Variants in TTN observed in about 807,000 individuals in gnomAD.
TTN encodes titin.
A neutral mutation model predicts 3,223.0 loss-of-function variants in TTN; 1,525 were observed. That is an observed-to-expected ratio of 0.47 (90% confidence interval 0.45 to 0.49). TTN has a LOEUF of 0.49. Ranked by LOEUF, TTN falls within the 20% of genes least tolerant of loss-of-function variation. The pLI is 0.00. For missense variants in TTN, 40,786 were observed against 43,424.0 expected (o/e 0.94, Z 5.40); for synonymous variants, 14,094 against 15,161.0 (o/e 0.93, Z 5.17).
In TTN at chr2:178,540,241, A is replaced by G. The variant is rs1575367028; in HGVS notation, c.97925T>C (p.Val32642Ala). 6.2e-7 allele frequency: 1 copy of G among 1,613,768 alleles called. No individual in the cohort carries two copies. Among genetic ancestry groups the G allele is most frequent in the East Asian group, 2.2e-5 (1 of 44,858 alleles). Residue 32642 changes from valine (V) to alanine (A), a missense_variant, in exon 351 of 363, where the codon GTA becomes GCA. By Grantham distance (64) the Val-to-Ala change is moderately conservative. Transcript: ENST00000589042. ...VTGYLIEMQK[V>A]DQHEWTKCNT... Reference sequence around the variant, plus strand: ...ACACTTGGTCCATTCATGTTGATCTACTTTTTGCATTTCAATCAAGTAGCC... The same window carrying G: ...ACACTTGGTCCATTCATGTTGATCTGCTTTTTGCATTTCAATCAAGTAGCC...
At position 178,697,082 on chromosome 2, in the gene TTN, C is replaced by T. The variant is rs768798322; in HGVS notation, c.30802+39G>A. The T allele has an allele frequency of 1.1e-4, 168 of 1,488,564 alleles. 1 individual carries two copies. The highest frequency in any genetic ancestry group is 1.4e-4 in the Non-Finnish European group (157 of 1,093,138). 92.2% of individuals were successfully genotyped at this position (1,488,564 alleles called of 1,614,324 possible). On this transcript the variant is annotated intron_variant, in intron 113 of 362. Coordinates refer to ENST00000589042, the MANE Select transcript of TTN (RefSeq NM_001267550.2). The stretch of plus-strand genomic sequence containing the variant: ...GAATAGTTAGCAGAAGTGCAAATCT[C>T]AGGAATAAACAGAATAAAAATAATT...
In TTN at chr2:178,652,199, T is replaced by G. The variant is rs773593473; in HGVS notation, c.39212-20A>C. On this transcript the variant is annotated intron_variant, in intron 203 of 362. Transcript: ENST00000589042. ...CTGGGACTTTAAAAGATATTATTATTTTCATTGTTAGACAAAGTAAAGACA... is the reference window on the plus strand; with the variant it reads ...CTGGGACTTTAAAAGATATTATTATGTTCATTGTTAGACAAAGTAAAGACA... 6.8e-6 allele frequency: 11 copies of G among 1,612,294 alleles called. No homozygotes were observed. Among genetic ancestry groups the G allele is most frequent in the Non-Finnish European group, 9.3e-6 (11 of 1,179,614 alleles).
chr2:178,572,374 G>T lies in TTN; in HGVS notation c.73758C>A (p.Gly24586=), dbSNP rs761138209. The T allele has an allele frequency of 3.7e-6, 6 of 1,612,960 alleles. No homozygotes were observed. Among genetic ancestry groups the T allele is most frequent in the Non-Finnish European group, 5.1e-6 (6 of 1,179,284 alleles). The change falls in exon 326 of 363, where the codon GGC becomes GGA. Residue 24586 remains glycine, a synonymous_variant. Transcript: ENST00000589042. ...CGAGAACCCTGAAATAGTAGCTACA[G>T]CCTTCTTGAAGCTGGTCTACCTTCC... ...TSWKVDQLQE[G]CSYYFRVLAE...
At chr2:178,674,007 T>C (rs2067519146) in intron 151 of TTN, among the ~76,000 whole-genome samples, 1 of 151,694 alleles carries the variant, frequency 6.6e-6, no homozygotes, top group African/African-American at 2.4e-5. Flanking sequence ...ATTCCCCCCA[T>C]ATTAATATTA....
intron 54 of TTN, 53 bp downstream of exon 54, chr2:178,733,186 C>A: frequency 1.3e-6 from 2 of 1,555,810 alleles, no homozygotes; most frequent in Non-Finnish European, 1.7e-6. Context: ...TGACTTTAGG[C>A]CATTTGTTGG....
intron 259 of TTN, 43 bp from the exon 260 acceptor site, chr2:178,615,011 A>C (rs2057056419): frequency 6.6e-7 from 1 of 1,526,182 alleles, no homozygotes; most frequent in South Asian, 1.2e-5. Flanking sequence ...GATGTCGATA[A>C]TCGTTTCATT....
At chr2:178,623,770 C>T (rs947379313) in intron 242 of TTN, among the ~76,000 whole-genome samples, 2 of 151,872 alleles carry the variant, frequency 1.3e-5, no homozygotes, top group African/African-American at 4.8e-5. Flanking sequence ...AGAAAAATGT[C>T]ATCACTGGAC....
intron 211 of TTN, 34 bp downstream of exon 211, chr2:178,649,783 C>G: frequency 2.5e-6 from 4 of 1,598,958 alleles, no homozygotes; most frequent in Non-Finnish European, 2.6e-6. Flanking sequence ...TTGTAGACAC[C>G]ACAAAAATGA....
chr2:178,763,953 G>C lies in TTN; in HGVS notation c.10114+224C>G, dbSNP rs1484119. The stretch of plus-strand genomic sequence containing the variant: ...ACACTAATTTTTTTATTGTGATAAA[G>C]AACACATAACATAACATAAACAACC... On this transcript the variant is annotated intron_variant, in intron 43 of 362. Coordinates refer to ENST00000589042, the MANE Select transcript of TTN (RefSeq NM_001267550.2). Among the ~76,000 whole-genome samples the C allele has an allele frequency of 0.65, 99,124 of 152,000 alleles. 34,390 individuals carry two copies. The highest frequency in any genetic ancestry group is 0.8 in the Middle Eastern group (234 of 294).
intron 336 of TTN, 29 bp downstream of exon 336, chr2:178,550,938 C>A: frequency 6.2e-7 from 1 of 1,602,716 alleles, no homozygotes. Context: ...TGCTCTTAGT[C>A]TCATTGGAAA....
intron 3 of TTN, 104 bp downstream of exon 3, chr2:178,802,034 G>A: frequency 1.4e-6 from 2 of 1,386,968 alleles, no homozygotes; most frequent in East Asian, 2.3e-5. Flanking sequence ...TGTAGTTTAA[G>A]AGCTGCATCT....
rs758050033 is a variant in TTN, at chr2:178,711,119, A to C, written c.28117T>G (p.Cys9373Gly). 5.0e-6 allele frequency: 8 copies of C among 1,613,698 alleles called. No homozygotes were observed. The highest frequency in any genetic ancestry group is 6.8e-6 in the Non-Finnish European group (8 of 1,179,760). ...TDRSLAGQYS[C>G]TATNPIGSAS... is the part of the protein sequence containing the mutation. ...GAGCCTATAGGGTTTGTAGCTGTGC[A>C]GGAATACTGGCCTGCAAGGCTCCGG... The change falls in exon 97 of 363, where the codon TGC becomes GGC. Residue 9373 changes from cysteine to glycine, a missense_variant. Cys to Gly is a radical substitution (Grantham distance 159, BLOSUM62 -3). Transcript: ENST00000589042.
chr2:178,671,123 T>C lies in TTN; in HGVS notation c.35275A>G (p.Lys11759Glu), dbSNP rs1333881194. The change falls in exon 156 of 363, where the codon AAA becomes GAA. Residue 11759 changes from lysine (K) to glutamate (E), a missense_variant. Transcript: ENST00000589042. ...KIIPPKKPPT[K>E]VVPRKEPPAK... ...GGTGGCTCTTTTCGAGGAACAACTTTAGTGGGCGGTTTTTTTGGAGGGATG... is the reference window on the plus strand; with the variant it reads ...GGTGGCTCTTTTCGAGGAACAACTTCAGTGGGCGGTTTTTTTGGAGGGATG... 6.2e-7 allele frequency: 1 copy of C among 1,605,110 alleles called. No homozygotes were observed. The highest frequency in any genetic ancestry group is 8.5e-7 in the Non-Finnish European group (1 of 1,176,214).
Position 178,775,902 on chromosome 2 carries a change from C to T in TTN, c.5962G>A (p.Glu1988Lys), listed in dbSNP as rs1554006020. ...TCTTCCGACTCTTCAGGCACTTTTT[C>T]ATGGGTAATTCTTTCAGCCCTTTTC... ...KLKRAERITH[E>K]KVPEESEELR... The change falls in exon 28 of 363, where the codon GAA (glutamate) becomes AAA (lysine). Residue 1988 changes from glutamate (E) to lysine (K), a missense_variant. Glu to Lys is a moderately conservative substitution (Grantham distance 56). Transcript: ENST00000589042. The T allele has an allele frequency of 1.2e-6, 2 of 1,614,132 alleles. No individual in the cohort carries two copies. The highest frequency in any genetic ancestry group is 2.7e-5 in the African/African-American group (2 of 75,030).
rs1577116121 is a variant in TTN, at chr2:178,664,547, T to C, written c.36203-10A>G. On this transcript the variant is annotated splice_polypyrimidine_tract_variant and intron_variant, in intron 167 of 362. Transcript: ENST00000589042. ...CTGAGAGCCTCCGGCACTTTGAAGATATTAATAATTTTACATTTAGAAGTT... is the reference window on the plus strand; with the variant it reads ...CTGAGAGCCTCCGGCACTTTGAAGACATTAATAATTTTACATTTAGAAGTT... 6.2e-7 allele frequency: 1 copy of C among 1,607,086 alleles called. No homozygotes were observed. Among genetic ancestry groups the C allele is most frequent in the Non-Finnish European group, 8.5e-7 (1 of 1,177,528 alleles).
At chr2:178,602,237 A>C in intron 283 of TTN, 45 bp downstream of exon 283, 1 of 1,596,234 alleles carries the variant, frequency 6.3e-7, no homozygotes. Context: ...TCAATTTCAT[A>C]ATAAGATCAA....
Position 178,533,441 on chromosome 2 carries a change from G to A in TTN, c.103174C>T (p.Pro34392Ser), listed in dbSNP as rs767698514. ...CCATCTTTCTCCCATTTTAATGTTG[G>A]TGGGGGGATGCCAGACACTCTGATC... ...FEIRVSGIPP[P>S]TLKWEKDGQP... Residue 34392 changes from proline to serine, a missense_variant, in exon 358 of 363, where the codon CCA becomes TCA. Pro to Ser is a moderately conservative substitution (Grantham distance 74). Coordinates refer to ENST00000589042, the MANE Select transcript of TTN (RefSeq NM_001267550.2). 3 of 1,613,862 alleles carry A rather than the reference G, an allele frequency of 1.9e-6. No individual in the cohort carries two copies. The South Asian group carries it at 3.3e-5, about 18-fold the overall frequency.
intron 121 of TTN, among the ~76,000 whole-genome samples, chr2:178,690,455 G>A (rs1315018610): frequency 6.6e-6 from 1 of 152,104 alleles, no homozygotes; most frequent in African/African-American, 2.4e-5. Context: ...ATGTGTTAAT[G>A]ACTTTACAGA....
rs1705622309 is a variant in TTN at position 178,565,835 on chromosome 2, CCAA to C, written c.80294_80296del (p.Val26765del). On this transcript the variant is annotated inframe_deletion, in exon 326 of 363. Transcript: ENST00000589042. ...GGCATCAACAGTTTCCACTGGAACA[CCAA>C]CTCCAAATTCATTTTCAGCCATGAC... The C allele has an allele frequency of 2.5e-6, 4 of 1,613,524 alleles. No individual in the cohort carries two copies. In the African/African-American group the frequency reaches 5.3e-5, roughly 22 times the overall value.
Sources: allele counts gnomAD v4.1 joint callset (sites outside exome capture counted in the v4.1 genomes callset), GRCh38; gene constraint gnomAD v4.1.1; transcripts MANE v1.5; gene names NCBI Gene and HGNC (gene_info 2026-07-23, HGNC 2026-07-21).